The following CADPS2 variants were observed in gnomAD, a reference collection of about 807,000 sequenced individuals.
CADPS2 encodes the protein calcium dependent secretion activator 2.
A neutral mutation model predicts 172.5 loss-of-function variants in CADPS2; 93 were observed. The ratio of observed to expected loss-of-function variants is 0.54; its 90% confidence interval spans 0.46 to 0.64. CADPS2 has a LOEUF of 0.64. CADPS2 is among the 30% of genes least tolerant of loss of function. The probability of loss-of-function intolerance (pLI) is 0.00; values close to 1 mark genes in which losing one functional copy is unlikely to be tolerated. For synonymous variants in CADPS2, 546 were observed against 555.2 expected, an observed-to-expected ratio of 0.98 and a Z score of 0.23; for missense variants, 1,420 against 1,565.9, an observed-to-expected ratio of 0.91 and a Z score of 1.57.
chr7:122,831,183 T>A (rs2140591419), intron 1 of CADPS2, among the ~76,000 whole-genome samples: 1 of 152,294 alleles, frequency 6.6e-6, no homozygotes, highest in East Asian at 1.9e-4. Flanking sequence ...GGGTTATTAT[T>A]ATTATTCAAC....
At chr7:122,808,905 C>T (rs975380750) in intron 1 of CADPS2, among the ~76,000 whole-genome samples, 2 of 152,144 alleles carry the variant, frequency 1.3e-5, no homozygotes, top group African/African-American at 4.8e-5. Context: ...GGTAAATATG[C>T]ATGATATATG....
chr7:122,467,524 T>A (rs139737102), intron 14 of CADPS2, among the ~76,000 whole-genome samples: 3 of 152,168 alleles, frequency 2.0e-5, no homozygotes, highest in African/African-American at 7.2e-5. Context: ...CTGGAATCCA[T>A]AGAAAATTGA....
chr7:122,322,266 G>GACTTAGCT (rs1282492601), intron 29 of CADPS2, among the ~76,000 whole-genome samples: 1 of 152,108 alleles, frequency 6.6e-6, no homozygotes, highest in East Asian at 1.9e-4. Flanking sequence ...ACTTTCCTTT[G>GACTTAGCT]ACTTAGCTTA....
chr7:122,881,742 C>T (rs1822984306), intron 1 of CADPS2, among the ~76,000 whole-genome samples: 1 of 152,146 alleles, frequency 6.6e-6, no homozygotes, highest in Admixed American at 6.5e-5. Context: ...CTAGAAACAT[C>T]AGGAAAGTGT....
chr7:122,822,024 G>A (rs536640615), intron 1 of CADPS2, among the ~76,000 whole-genome samples: 11 of 151,742 alleles, frequency 7.2e-5, no homozygotes, highest in African/African-American at 2.7e-4. Context: ...CCTATTCACC[G>A]TTCTCAACTA....
At chr7:122,486,338 A>C (rs2057813366) in intron 11 of CADPS2, among the ~76,000 whole-genome samples, 1 of 152,198 alleles carries the variant, frequency 6.6e-6, no homozygotes, top group African/African-American at 2.4e-5. Context: ...GGAGGTAAAA[A>C]TATCAACATT....
chr7:122,673,347 T>G (rs561198292), intron 2 of CADPS2, among the ~76,000 whole-genome samples: 4 of 152,308 alleles, frequency 2.6e-5, no homozygotes, highest in African/African-American at 9.6e-5. Context: ...ATTGGTCCGT[T>G]TTGACAGGGT....
intron 1 of CADPS2, among the ~76,000 whole-genome samples, chr7:122,807,484 G>A (rs1799038859): frequency 6.6e-6 from 1 of 152,178 alleles, no homozygotes; most frequent in African/African-American, 2.4e-5. Flanking sequence ...CATCCAATAG[G>A]CCACAATCAT....
intron 2 of CADPS2, among the ~76,000 whole-genome samples, chr7:122,725,554 C>G (rs371998760): frequency 2.6e-5 from 3 of 115,868 alleles, no homozygotes; most frequent in African/African-American, 6.4e-5. Flanking sequence ...TCCCTCCCCC[C>G]ACCCTCTCAT....
intron 1 of CADPS2, among the ~76,000 whole-genome samples, chr7:122,795,251 C>T (rs1796122257): frequency 6.6e-6 from 1 of 151,722 alleles, no homozygotes; most frequent in Admixed American, 6.6e-5. Flanking sequence ...TTCAAATAAA[C>T]AAAATCAGAA....
At chr7:122,325,133 C>G (rs1032518331) in intron 29 of CADPS2, among the ~76,000 whole-genome samples, 2 of 151,980 alleles carry the variant, frequency 1.3e-5, no homozygotes, top group African/African-American at 4.8e-5. Context: ...GATATATGAT[C>G]CTAATAAATA....
At chr7:122,747,900 A>G (rs1010916642) in intron 1 of CADPS2, among the ~76,000 whole-genome samples, 2 of 152,088 alleles carry the variant, frequency 1.3e-5, no homozygotes, top group African/African-American at 4.8e-5. Context: ...CACCTCCAAG[A>G]AATCTCCTTC....
At chr7:122,710,064 AAT>A (rs1554742477) in intron 2 of CADPS2, among the ~76,000 whole-genome samples, 3 of 139,392 alleles carry the variant, frequency 2.2e-5, no homozygotes, top group African/African-American at 7.8e-5. Flanking sequence ...AAAAAAAAAA[AAT>A]GACCTTCTGC....
At chr7:122,768,327 A>G (rs921165187) in intron 1 of CADPS2, among the ~76,000 whole-genome samples, 1 of 152,226 alleles carries the variant, frequency 6.6e-6, no homozygotes, top group African/African-American at 2.4e-5. Flanking sequence ...AGAAATATGC[A>G]ACAAAGTCAT....
intron 1 of CADPS2, among the ~76,000 whole-genome samples, chr7:122,791,021 G>C (rs540310885): frequency 6.6e-6 from 1 of 152,294 alleles, no homozygotes; most frequent in Non-Finnish European, 1.5e-5. Flanking sequence ...TGCCCATAGA[G>C]TATGCACAGG....
At chr7:122,791,934 AT>A (rs1180875446) in intron 1 of CADPS2, among the ~76,000 whole-genome samples, 2 of 152,194 alleles carry the variant, frequency 1.3e-5, no homozygotes, top group African/African-American at 4.8e-5. Flanking sequence ...TTTTATGTTA[AT>A]TTTTGATGTC....
chr7:122,533,863 A>G (rs1386071977), intron 8 of CADPS2, among the ~76,000 whole-genome samples: 2 of 152,182 alleles, frequency 1.3e-5, no homozygotes, highest in Non-Finnish European at 2.9e-5. Flanking sequence ...TAAAAGACAG[A>G]TCCAGTGCAG....
intron 2 of CADPS2, among the ~76,000 whole-genome samples, chr7:122,709,652 C>A (rs1291818859): frequency 6.6e-6 from 1 of 151,970 alleles, no homozygotes; most frequent in Non-Finnish European, 1.5e-5. Context: ...GACTTGGAAC[C>A]AACCCAAATG....
intron 8 of CADPS2, among the ~76,000 whole-genome samples, chr7:122,520,047 G>A (rs1018741869): frequency 2.0e-5 from 3 of 151,940 alleles, no homozygotes; most frequent in African/African-American, 4.8e-5. Flanking sequence ...TATTAATAAG[G>A]TAGCTGGAAG....
Sources: gnomAD v4.1 joint callset for allele counts (sites outside exome capture counted in the v4.1 genomes callset) on GRCh38, gnomAD v4.1.1 for gene constraint, MANE v1.5 for transcripts, NCBI Gene and HGNC (gene_info 2026-07-23, HGNC 2026-07-21) for gene names.